The following GPHN variants were observed in gnomAD, a reference collection of about 807,000 sequenced individuals.
GPHN encodes the protein gephyrin.
A neutral mutation model predicts 95.5 loss-of-function variants in GPHN; 17 were observed. That is an observed-to-expected ratio of 0.18 (90% CI 0.12 to 0.27). GPHN has a LOEUF of 0.27. GPHN is among the 10% of genes least tolerant of loss of function. The pLI is 1.00. For missense variants in GPHN, 660 were observed against 978.1 expected (o/e 0.67, Z 4.34); for synonymous variants, 320 against 322.5 (o/e 0.99, Z 0.08).
At chr14:66,610,710 C>T (rs2062744414) in intron 1 of GPHN, among the ~76,000 whole-genome samples, 1 of 152,138 alleles carries the variant, frequency 6.6e-6, no homozygotes, top group Admixed American at 6.5e-5. Context: ...GTAAGGACCA[C>T]TGACATGGGA....
At chr14:66,609,574 C>T (rs992774615) in intron 1 of GPHN, among the ~76,000 whole-genome samples, 1 of 152,002 alleles carries the variant, frequency 6.6e-6, no homozygotes, top group Admixed American at 6.6e-5. Flanking sequence ...GCCAATGAAT[C>T]CTAGGTTTGG....
chr14:66,773,607 C>A (rs1020868130), intron 2 of GPHN, among the ~76,000 whole-genome samples: 2 of 152,184 alleles, frequency 1.3e-5, no homozygotes, highest in Non-Finnish European at 2.9e-5. Context: ...CCATCTCGGC[C>A]TCCCAAAGTG....
At chr14:66,807,011 G>A (rs549769626) in intron 3 of GPHN, among the ~76,000 whole-genome samples, 33 of 152,078 alleles carry the variant, frequency 2.2e-4, no homozygotes, top group African/African-American at 7.0e-4. Flanking sequence ...CCCGAGACTC[G>A]GCAATTTACA....
At chr14:66,880,163 A>G in intron 5 of GPHN, 130 bp downstream of exon 5, 1 of 698,826 alleles carries the variant, frequency 1.4e-6, no homozygotes, top group Non-Finnish European at 2.6e-6. Context: ...CTTAGCTTAT[A>G]CTAATCACTT....
chr14:66,855,411 T>G (rs1221845815), intron 4 of GPHN, among the ~76,000 whole-genome samples: 9 of 152,198 alleles, frequency 5.9e-5, no homozygotes, highest in Admixed American at 5.9e-4. Context: ...CTTTTTTCAT[T>G]TAGCCTAATG....
chr14:66,723,982 TACATACACACACACACACAC>T (rs2070992354), intron 2 of GPHN, among the ~76,000 whole-genome samples: 1 of 143,146 alleles, frequency 7.0e-6, no homozygotes, highest in Admixed American at 6.9e-5. Flanking sequence ...ATGTCATGCA[TACATACACACACACACACAC>T]ACACACACAC....
chr14:67,656,278 G>A, the GPHN span: 48,598 of 753,414 alleles, frequency 0.065, 2,626 homozygotes, highest in East Asian at 0.23. Context: ...AATAAAAATT[G>A]AGAAAAGCAT....
chr14:67,544,618 C>T, the GPHN span, among the ~76,000 whole-genome samples: 31 of 152,146 alleles, frequency 2.0e-4, no homozygotes, highest in African/African-American at 5.1e-4. Context: ...GTTTTGAAGA[C>T]GTAACAAAGA....
At chr14:67,505,710 C>CTT in the GPHN span, among the ~76,000 whole-genome samples, 1 of 141,504 alleles carries the variant, frequency 7.1e-6, no homozygotes, top group African/African-American at 2.6e-5. Context: ...ATAATTTGCT[C>CTT]TTTTTTTTTT....
the GPHN span, among the ~76,000 whole-genome samples, chr14:67,371,824 T>C: frequency 5.3e-5 from 8 of 152,234 alleles, no homozygotes; most frequent in Non-Finnish European, 1.5e-5. Flanking sequence ...CAAAGACATG[T>C]TTTTGTAAAA....
the GPHN span, among the ~76,000 whole-genome samples, chr14:67,474,494 ACTT>A: frequency 2.7e-3 from 416 of 152,196 alleles, 2 homozygotes; most frequent in Non-Finnish European, 4.2e-3. Flanking sequence ...TTCTTCCTCC[ACTT>A]CTTCTCAAAC....
intron 3 of GPHN, among the ~76,000 whole-genome samples, chr14:66,782,467 A>G (rs1313772603): frequency 6.6e-6 from 1 of 152,148 alleles, no homozygotes; most frequent in Non-Finnish European, 1.5e-5. Flanking sequence ...GAGTAGCTTT[A>G]TTCCTTCCAG....
the GPHN span, among the ~76,000 whole-genome samples, chr14:67,407,068 C>T: frequency 6.6e-6 from 1 of 152,244 alleles, no homozygotes; most frequent in South Asian, 2.1e-4. Context: ...GCTTATGAGA[C>T]ACAGAATGTT....
chr14:66,778,754 T>TG (rs2059491016), intron 3 of GPHN, among the ~76,000 whole-genome samples: 2 of 131,958 alleles, frequency 1.5e-5, no homozygotes, highest in African/African-American at 3.1e-5. Context: ...TTTTTTTTTT[T>TG]GAGACAGTCT....
At chr14:67,685,769 C>T in the GPHN span, among the ~76,000 whole-genome samples, 2 of 152,074 alleles carry the variant, frequency 1.3e-5, no homozygotes, top group Non-Finnish European at 2.9e-5. Context: ...GGGTGCGCCA[C>T]CACACCAGGC....
the GPHN span, among the ~76,000 whole-genome samples, chr14:67,534,261 A>G: frequency 6.6e-6 from 1 of 152,030 alleles, no homozygotes; most frequent in East Asian, 1.9e-4. Context: ...CATTTTTCCA[A>G]AGGAGGAAGC....
intron 18 of GPHN, among the ~76,000 whole-genome samples, chr14:67,153,610 T>C (rs564333586): frequency 6.6e-6 from 1 of 152,342 alleles, no homozygotes; most frequent in East Asian, 1.9e-4. Context: ...TCCATTGCAT[T>C]TACTCTCAGT....
chr14:66,595,873 G>A (rs573341390), intron 1 of GPHN, among the ~76,000 whole-genome samples: 9 of 152,270 alleles, frequency 5.9e-5, no homozygotes, highest in East Asian at 1.9e-4. Context: ...GTGCCGTTCC[G>A]CAGGTCCTGA....
At chr14:67,297,587 T>G in the GPHN span, among the ~76,000 whole-genome samples, 2 of 152,202 alleles carry the variant, frequency 1.3e-5, no homozygotes, top group African/African-American at 4.8e-5. Context: ...TTGATAACAT[T>G]GTGGAAAGTC....
Sources: allele counts gnomAD v4.1 joint callset (sites outside exome capture counted in the v4.1 genomes callset), GRCh38; gene constraint gnomAD v4.1.1; transcripts MANE v1.5; gene names NCBI Gene and HGNC (gene_info 2026-07-23, HGNC 2026-07-21).